Variants in BTAF1 observed in about 807,000 individuals in gnomAD.
BTAF1 encodes the protein B-TFIID TATA-box binding protein associated factor 1.
Under a neutral mutation model 227.1 loss-of-function variants are expected in BTAF1, and 38 were observed. That is an observed-to-expected ratio of 0.17 (90% confidence interval 0.13 to 0.22). The LOEUF (loss-of-function observed/expected upper bound fraction) is 0.22. BTAF1 is among the 10% of genes least tolerant of loss of function. The probability of loss-of-function intolerance (pLI) is 1.00; values close to 1 mark genes in which losing one functional copy is unlikely to be tolerated. For missense variants in BTAF1, 1,598 were observed against 2,204.0 expected (o/e 0.73, Z 5.51); for synonymous variants, 742 against 751.9 (o/e 0.99, Z 0.21).
rs560290954 is a variant in BTAF1 at position 91,956,112 on chromosome 10, G to A, written c.702-416G>A. Among the ~76,000 whole-genome samples the A allele has an allele frequency of 4.6e-5, 7 of 151,970 alleles. No homozygotes were observed. In the South Asian group the frequency reaches 1.2e-3, roughly 27 times the overall value. ...TTATCTCCATATTTTTCAAGAACTGGTAAGATTATACTGTATTGCTCAGTA... is the reference window on the plus strand; with the variant it reads ...TTATCTCCATATTTTTCAAGAACTGATAAGATTATACTGTATTGCTCAGTA... On this transcript the variant is annotated intron_variant, in intron 6 of 37. Coordinates refer to ENST00000265990, the MANE Select transcript of BTAF1 (RefSeq NM_003972.3).
chr10:91,930,595 C>T (rs1159176525), intron 1 of BTAF1, among the ~76,000 whole-genome samples: 1 of 152,128 alleles, frequency 6.6e-6, no homozygotes, highest in Non-Finnish European at 1.5e-5. Flanking sequence ...AAATTACCCA[C>T]AACATGACCT....
At chr10:91,968,164 TTAAC>T (rs1349606341) in intron 14 of BTAF1, among the ~76,000 whole-genome samples, 2 of 152,210 alleles carry the variant, frequency 1.3e-5, no homozygotes, top group African/African-American at 4.8e-5. Flanking sequence ...ACAGAGTAGT[TTAAC>T]TATCCCCAAA....
intron 4 of BTAF1, among the ~76,000 whole-genome samples, chr10:91,950,532 G>A (rs1168636356): frequency 6.6e-6 from 1 of 151,918 alleles, no homozygotes; most frequent in Non-Finnish European, 1.5e-5. Flanking sequence ...GCTGTTTTAA[G>A]GGCAAATTTT....
chr10:91,962,358 A>G (rs568692019), intron 11 of BTAF1, among the ~76,000 whole-genome samples, 180 bp from the exon 12 acceptor site: 56 of 152,334 alleles, frequency 3.7e-4, no homozygotes, highest in South Asian at 3.3e-3. Context: ...AGTACACTCT[A>G]TAATGTTCAC....
intron 8 of BTAF1, among the ~76,000 whole-genome samples, chr10:91,957,914 G>A (rs1846211327): frequency 6.6e-6 from 1 of 152,166 alleles, no homozygotes; most frequent in Admixed American, 6.5e-5. Context: ...TGACACTGCA[G>A]AAAGTAGCCT....
At chr10:91,962,781 A>AT (rs376703739) in intron 12 of BTAF1, 103 bp downstream of exon 12, 41,903 of 872,822 alleles carry the variant, frequency 0.048, 9 homozygotes, top group South Asian at 0.066. Flanking sequence ...TTCATCTTCA[A>AT]TTTTTTTTTT....
intron 25 of BTAF1, among the ~76,000 whole-genome samples, chr10:92,001,342 C>A (rs1425054510): frequency 2.0e-5 from 3 of 152,180 alleles, no homozygotes; most frequent in Non-Finnish European, 4.4e-5. Context: ...TATTCATCTG[C>A]ATGTACTGTG....
chr10:91,993,937 C>T, intron 22 of BTAF1, 90 bp downstream of exon 22: 1 of 1,003,188 alleles, frequency 1.0e-6, no homozygotes, highest in Non-Finnish European at 1.3e-6. Flanking sequence ...TGCCTCTATG[C>T]CTCTACCTGT....
chr10:91,991,797 G>GTGTGTGTATATATA (rs1554860529), intron 20 of BTAF1, among the ~76,000 whole-genome samples: 2 of 10,008 alleles, frequency 2.0e-4, no homozygotes, highest in African/African-American at 3.7e-4. Flanking sequence ...GTGTGTGTGT[G>GTGTGTGTATATATA]TATATATATA....
At chr10:91,937,423 CA>C (rs892746319) in intron 2 of BTAF1, among the ~76,000 whole-genome samples, 2 of 152,072 alleles carry the variant, frequency 1.3e-5, no homozygotes, top group African/African-American at 4.8e-5. Context: ...ATTTTATCAC[CA>C]CAAAAAGAAA....
At chr10:92,016,085 T>C (rs1257863350) in intron 32 of BTAF1, among the ~76,000 whole-genome samples, 1 of 152,206 alleles carries the variant, frequency 6.6e-6, no homozygotes, top group Non-Finnish European at 1.5e-5. Flanking sequence ...CTTGGACTAT[T>C]TGACTTGTAT....
chr10:91,990,663 G>A (rs1356376441), intron 20 of BTAF1, among the ~76,000 whole-genome samples: 1 of 151,986 alleles, frequency 6.6e-6, no homozygotes, highest in Non-Finnish European at 1.5e-5. Context: ...GCATGGTGGT[G>A]CATGCCTGTA....
intron 3 of BTAF1, 82 bp from the exon 4 acceptor site, chr10:91,942,340 C>A: frequency 1.8e-5 from 18 of 1,020,250 alleles, no homozygotes; most frequent in South Asian, 4.5e-5. Flanking sequence ...GTAACCCATG[C>A]AACCCAAGTA....
intron 25 of BTAF1, among the ~76,000 whole-genome samples, chr10:91,998,172 A>G (rs1253247429): frequency 6.6e-6 from 1 of 151,896 alleles, no homozygotes; most frequent in Non-Finnish European, 1.5e-5. Context: ...ACACTTGTTA[A>G]AGAACATGTC....
intron 1 of BTAF1, among the ~76,000 whole-genome samples, chr10:91,935,403 C>T (rs914778318): frequency 2.0e-5 from 3 of 152,142 alleles, no homozygotes; most frequent in African/African-American, 7.2e-5. Context: ...TTTTCCTACC[C>T]TTCCCAGCTG....
chr10:91,928,093 C>T (rs898960266), intron 1 of BTAF1, among the ~76,000 whole-genome samples: 1 of 141,804 alleles, frequency 7.1e-6, no homozygotes, highest in Non-Finnish European at 1.5e-5. Context: ...AAAGCTATCT[C>T]CTATAGGAAG....
At position 91,992,377 on chromosome 10, in the gene BTAF1, C is replaced by G. The variant is rs568652551; in HGVS notation, c.3045+68C>G. 2.9e-6 allele frequency: 4 copies of G among 1,384,724 alleles called. No homozygotes were observed. In the African/African-American group the frequency reaches 5.9e-5, roughly 20 times the overall value. 85.8% of individuals were successfully genotyped at this position (1,384,724 alleles called of 1,614,324 possible). On this transcript the variant is annotated intron_variant, in intron 21 of 37. Transcript: ENST00000265990. ...AAATATCTGACTTACAAATTGAGAACTAAGTTGTATTAGCTTCCAGAGTTG... is the reference window on the plus strand; with the variant it reads ...AAATATCTGACTTACAAATTGAGAAGTAAGTTGTATTAGCTTCCAGAGTTG...
At position 92,011,218 on chromosome 10, in the gene BTAF1, T is replaced by G; in HGVS notation, c.4181+68T>G. The G allele has an allele frequency of 2.4e-5, 36 of 1,517,424 alleles. No individual in the cohort carries two copies. The South Asian group carries it at 4.4e-4, about 19-fold the overall frequency. 94.0% of individuals were successfully genotyped at this position (1,517,424 alleles called of 1,614,324 possible). On this transcript the variant is annotated intron_variant, in intron 29 of 37. Transcript: ENST00000265990. The stretch of plus-strand genomic sequence containing the variant: ...GAAGACTCTTAATATTTTCCCACTT[T>G]AAAGATTCTTCATATAGTTCCTGAC...
chr10:91,968,188 G>A (rs1847060499), intron 14 of BTAF1, among the ~76,000 whole-genome samples: 1 of 152,032 alleles, frequency 6.6e-6, no homozygotes. Flanking sequence ...AATCCCCTGT[G>A]TTCCACCTAT....
Sources: allele counts gnomAD v4.1 joint callset (sites outside exome capture counted in the v4.1 genomes callset), GRCh38; gene constraint gnomAD v4.1.1; transcripts MANE v1.5; gene names NCBI Gene and HGNC (gene_info 2026-07-23, HGNC 2026-07-21).